Variants in TFAM observed in about 807,000 individuals in gnomAD.
TFAM encodes mitochondrial transcription factor 1.
Under a neutral mutation model 30.6 loss-of-function variants are expected in TFAM, and 13 were observed. The ratio of observed to expected loss-of-function variants is 0.42; its 90% CI spans 0.28 to 0.67. The LOEUF is 0.67. Among genes scored for constraint, TFAM ranks in the 30% least tolerant of loss-of-function variants. The pLI, the probability that TFAM is intolerant of heterozygous loss-of-function variation, is 0.21. For missense variants in TFAM, 231 were observed against 293.7 expected (o/e 0.79, Z 1.56); for synonymous variants, 106 against 94.8 (o/e 1.12, Z -0.69).
In TFAM at chr10:58,397,482, A is replaced by T. The variant is rs1031594472; in HGVS notation, c.*2408A>T. On this transcript the variant is annotated 3_prime_UTR_variant, in exon 7 of 7. Transcript: ENST00000487519. Reference sequence around the variant, plus strand: ...AGCAAAACTATTTTATGGTAATTTTATGGTAGTATCAGCTTGTATTTGGTT... The same window carrying T: ...AGCAAAACTATTTTATGGTAATTTTTTGGTAGTATCAGCTTGTATTTGGTT... 1 of 152,164 alleles carries T rather than the reference A, an allele frequency of 6.6e-6. No homozygotes were observed. The highest frequency in any genetic ancestry group is 1.5e-5 in the Non-Finnish European group (1 of 68,022). The allele number at this position is 152,164 out of a possible 1,614,324, so 9.4% of individuals were successfully genotyped here.
intron 5 of TFAM, among the ~76,000 whole-genome samples, chr10:58,391,272 A>T (rs958003142): frequency 6.6e-6 from 1 of 152,180 alleles, no homozygotes; most frequent in Non-Finnish European, 1.5e-5. Flanking sequence ...TTATACCCAT[A>T]GGGATGTGTT....
At position 58,385,413 on chromosome 10, in the gene TFAM, G is replaced by C. The variant is rs1257524866; in HGVS notation, c.-135G>C. On this transcript the variant is annotated 5_prime_UTR_variant, in exon 1 of 7. Transcript: ENST00000487519. The stretch of plus-strand genomic sequence containing the variant: ...ACCGGATGTTAGCAGATTTCCCATA[G>C]TGCCTCGCTAGTGGCGGGCATGATA... 1.4e-6 allele frequency: 1 copy of C among 726,394 alleles called. No individual in the cohort carries two copies. The highest frequency in any genetic ancestry group is 2.5e-6 in the Non-Finnish European group (1 of 406,794). The allele number at this position is 726,394 out of a possible 1,614,324, so 45.0% of individuals were successfully genotyped here.
chr10:58,385,690 G>A (rs774058552), intron 1 of TFAM, 42 bp downstream of exon 1: 3 of 1,451,568 alleles, frequency 2.1e-6, no homozygotes, highest in Non-Finnish European at 2.8e-6. Context: ...CAGGGCCCAG[G>A]ACGTCCCGGG....
rs771790594 is a variant in TFAM at position 58,395,111 on chromosome 10, A to G, written c.*37A>G. 3 of 1,607,890 alleles carry G rather than the reference A, an allele frequency of 1.9e-6. No homozygotes were observed. The South Asian group carries it at 3.3e-5, about 18-fold the overall frequency. ...TGAGATGTGTTCACAATGGATAGGC[A>G]CAGGAAACCAGTTAGGTCTCAATAC... On this transcript the variant is annotated 3_prime_UTR_variant, in exon 7 of 7. Coordinates refer to ENST00000487519, the MANE Select transcript of TFAM (RefSeq NM_003201.3).
Position 58,395,399 on chromosome 10 carries a change from CTT to C in TFAM, c.*326_*327del, listed in dbSNP as rs987072390. The C allele has an allele frequency of 6.4e-6, 2 of 313,988 alleles. No homozygotes were observed. The highest frequency in any genetic ancestry group is 4.1e-5 in the South Asian group (1 of 24,522). 19.5% of individuals were successfully genotyped at this position (313,988 alleles called of 1,614,324 possible). On this transcript the variant is annotated 3_prime_UTR_variant, in exon 7 of 7. Coordinates refer to ENST00000487519, the MANE Select transcript of TFAM (RefSeq NM_003201.3). Reference sequence around the variant, plus strand: ...GGATGATGACTATGGAAAGAGTACTCTTGTTTCCTTATATTATGGAGGCAGGA... The same window carrying C: ...GGATGATGACTATGGAAAGAGTACTCGTTTCCTTATATTATGGAGGCAGGA...
intron 4 of TFAM, among the ~76,000 whole-genome samples, chr10:58,389,272 A>G (rs1749368288): frequency 6.6e-6 from 1 of 152,244 alleles, no homozygotes; most frequent in Non-Finnish European, 1.5e-5. Context: ...TATCTAATCA[A>G]TTAAGTGCCT....
intron 5 of TFAM, among the ~76,000 whole-genome samples, chr10:58,392,624 C>G (rs115968031): frequency 0.027 from 4,155 of 152,094 alleles, 187 homozygotes; most frequent in African/African-American, 0.095. Flanking sequence ...CAGAGTGACA[C>G]TATTTTACTC....
In TFAM at chr10:58,397,474, G is replaced by A. The variant is rs1840705320; in HGVS notation, c.*2400G>A. On this transcript the variant is annotated 3_prime_UTR_variant, in exon 7 of 7. Transcript: ENST00000487519. ...GAAAAAAGAGCAAAACTATTTTATGGTAATTTTATGGTAGTATCAGCTTGT... is the reference window on the plus strand; with the variant it reads ...GAAAAAAGAGCAAAACTATTTTATGATAATTTTATGGTAGTATCAGCTTGT... 1 of 152,062 alleles carries A rather than the reference G, an allele frequency of 6.6e-6. No individual in the cohort carries two copies. The highest frequency in any genetic ancestry group is 1.5e-5 in the Non-Finnish European group (1 of 68,016). The allele number at this position is 152,062 out of a possible 1,614,324, so 9.4% of individuals were successfully genotyped here.
Position 58,398,072 on chromosome 10 carries a change from A to G in TFAM, c.*2998A>G, listed in dbSNP as rs1310830662. The G allele has an allele frequency of 1.3e-5, 2 of 151,594 alleles. No homozygotes were observed. The highest frequency in any genetic ancestry group is 4.9e-5 in the African/African-American group (2 of 41,140). The allele number at this position is 151,594 out of a possible 1,614,324, so 9.4% of individuals were successfully genotyped here. A position where few individuals can be genotyped will look rare whatever the true frequency, so the allele number is the denominator to read the frequency against. On this transcript the variant is annotated 3_prime_UTR_variant, in exon 7 of 7. Transcript: ENST00000487519. ...CCATGCTTGACCATAAAGCCTTACT[A>G]TTTCTTTTGGAGACACAGTCTTGCT...
Position 58,398,632 on chromosome 10 carries a change from A to G in TFAM, c.*3558A>G, listed in dbSNP as rs1279631399. 1 of 152,214 alleles carries G rather than the reference A, an allele frequency of 6.6e-6. No individual in the cohort carries two copies. The highest frequency in any genetic ancestry group is 1.5e-5 in the Non-Finnish European group (1 of 68,044). 9.4% of individuals were successfully genotyped at this position (152,214 alleles called of 1,614,324 possible). ...GAATTGAAAAAAAATAGCGTACAAT[A>G]AGTAGATTTAAAGTAATTAGAACAC... is the stretch of plus-strand genomic sequence containing the variant. On this transcript the variant is annotated 3_prime_UTR_variant, in exon 7 of 7. Coordinates refer to ENST00000487519, the MANE Select transcript of TFAM (RefSeq NM_003201.3).
At chr10:58,391,763 GCC>G (rs1470648858) in intron 5 of TFAM, among the ~76,000 whole-genome samples, 1 of 151,390 alleles carries the variant, frequency 6.6e-6, no homozygotes, top group Non-Finnish European at 1.5e-5. Flanking sequence ...TGTGGTCTTT[GCC>G]ATTAAAAGTA....
At chr10:58,389,884 A>G (rs949637360) in intron 4 of TFAM, among the ~76,000 whole-genome samples, 3 of 152,210 alleles carry the variant, frequency 2.0e-5, no homozygotes, top group African/African-American at 7.2e-5. Context: ...CCCAGTACCA[A>G]CTAGTTCAGA....
chr10:58,397,663 G>A lies in TFAM; in HGVS notation c.*2589G>A, dbSNP rs1188984349. 1 of 152,042 alleles carries A rather than the reference G, an allele frequency of 6.6e-6. No individual in the cohort carries two copies. Among genetic ancestry groups the A allele is most frequent in the East Asian group, 1.9e-4 (1 of 5,186 alleles). 9.4% of individuals were successfully genotyped at this position (152,042 alleles called of 1,614,324 possible). A position where few individuals can be genotyped will look rare whatever the true frequency, so the allele number is the denominator to read the frequency against. On this transcript the variant is annotated 3_prime_UTR_variant, in exon 7 of 7. Coordinates refer to ENST00000487519, the MANE Select transcript of TFAM (RefSeq NM_003201.3). ...AAGACTGGCATGCCATATACCAAAT[G>A]CCATTCAGCTGTAACAGTATACACA...
intron 1 of TFAM, among the ~76,000 whole-genome samples, 179 bp downstream of exon 1, chr10:58,385,827 C>T (rs539269230): frequency 2.0e-5 from 3 of 152,270 alleles, no homozygotes; most frequent in Admixed American, 1.3e-4. Context: ...TTTATTTACT[C>T]TCTTAATACG....
At chr10:58,388,845 CT>C (rs1475076567) in intron 4 of TFAM, 26 bp downstream of exon 4, 1 of 1,572,230 alleles carries the variant, frequency 6.4e-7, no homozygotes, top group African/African-American at 1.4e-5. Context: ...ATACTTTTTT[CT>C]TATGGTAAAG....
chr10:58,394,582 GT>G, intron 6 of TFAM, 168 bp downstream of exon 6: 2 of 763,552 alleles, frequency 2.6e-6, no homozygotes, highest in Non-Finnish European at 4.7e-6. Context: ...TCTCTTGGTA[GT>G]TTTTGTCTGC....
chr10:58,393,894 CAAA>C (rs1212905436), intron 5 of TFAM, among the ~76,000 whole-genome samples: 3 of 115,624 alleles, frequency 2.6e-5, no homozygotes, highest in Admixed American at 8.8e-5. Context: ...GACCTTGTCT[CAAA>C]AAAAAAAAAA....
At position 58,388,205 on chromosome 10, in the gene TFAM, A is replaced by C; in HGVS notation, c.236A>C (p.Glu79Ala). The C allele has an allele frequency of 6.2e-7, 1 of 1,613,974 alleles. No homozygotes were observed. The highest frequency in any genetic ancestry group is 8.5e-7 in the Non-Finnish European group (1 of 1,179,914). ...KAQNPDAKTT[E>A]LIRRIAQRWR... ...CATTCCATAGATGCAAAAACTACAG[A>C]ACTAATTAGAAGAATTGCCCAGCGT... Residue 79 changes from glutamate (E) to alanine (A), a missense_variant, in exon 3 of 7, where the codon GAA (glutamate) becomes GCA (alanine). Coordinates refer to ENST00000487519, the MANE Select transcript of TFAM (RefSeq NM_003201.3).
intron 4 of TFAM, among the ~76,000 whole-genome samples, chr10:58,389,380 T>C (rs1840550097): frequency 6.6e-6 from 1 of 152,212 alleles, no homozygotes; most frequent in Non-Finnish European, 1.5e-5. Context: ...TTAATTCACA[T>C]AAATGTCATC....
Sources: allele counts gnomAD v4.1 joint callset (sites outside exome capture counted in the v4.1 genomes callset), GRCh38; gene constraint gnomAD v4.1.1; transcripts MANE v1.5; gene names NCBI Gene and HGNC (gene_info 2026-07-23, HGNC 2026-07-21).